The following ZNF804B variants were observed in gnomAD, a reference collection of about 807,000 sequenced individuals.
ZNF804B encodes the protein zinc finger 804B.
ZNF804B carries 80 observed loss-of-function variants against 101.4 expected under a neutral mutation model. The observed-to-expected ratio is 0.79, with a 90% CI of 0.66 to 0.95. The LOEUF is 0.95. Ranked by LOEUF, ZNF804B falls within the 40% of genes least tolerant of loss-of-function variation. The pLI is 0.00. For synonymous variants in ZNF804B, 622 were observed against 558.8 expected, an observed-to-expected ratio of 1.11 and a Z score of -1.59; for missense variants, 1,673 against 1,561.9, an observed-to-expected ratio of 1.07 and a Z score of -1.20.
At chr7:89,308,767 T>C (rs1790606093) in intron 2 of ZNF804B, among the ~76,000 whole-genome samples, 1 of 152,194 alleles carries the variant, frequency 6.6e-6, no homozygotes, top group Non-Finnish European at 1.5e-5. Context: ...TTGCAGCTCA[T>C]ACAGTTCCTG....
chr7:88,985,495 C>T (rs1562851431), intron 1 of ZNF804B, among the ~76,000 whole-genome samples: 2 of 151,694 alleles, frequency 1.3e-5, no homozygotes, highest in South Asian at 2.1e-4. Flanking sequence ...GTGTGAAGGG[C>T]GATGGGAGAG....
At chr7:89,206,744 C>T (rs1024865685) in intron 1 of ZNF804B, among the ~76,000 whole-genome samples, 2 of 152,094 alleles carry the variant, frequency 1.3e-5, no homozygotes, top group Non-Finnish European at 2.9e-5. Flanking sequence ...AAGAACAAAA[C>T]TCCATCTCAA....
intron 1 of ZNF804B, among the ~76,000 whole-genome samples, chr7:89,018,731 T>C (rs925184198): frequency 6.6e-6 from 1 of 152,070 alleles, no homozygotes; most frequent in African/African-American, 2.4e-5. Flanking sequence ...TCTTGGTAGG[T>C]TGTATATGTC....
chr7:88,972,790 C>G (rs1339975730), intron 1 of ZNF804B, among the ~76,000 whole-genome samples: 1 of 150,670 alleles, frequency 6.6e-6, no homozygotes, highest in Admixed American at 6.6e-5. Flanking sequence ...ATTCTTCTCA[C>G]TAATAGTATA....
chr7:89,107,423 T>C (rs1160484905), intron 1 of ZNF804B, among the ~76,000 whole-genome samples: 1 of 152,136 alleles, frequency 6.6e-6, no homozygotes, highest in Non-Finnish European at 1.5e-5. Context: ...TGATGAGTAT[T>C]TTCCAGCTTT....
chr7:89,048,769 C>G (rs1276138637), intron 1 of ZNF804B, among the ~76,000 whole-genome samples: 1 of 151,898 alleles, frequency 6.6e-6, no homozygotes, highest in African/African-American at 2.4e-5. Context: ...CAGGTCTCGT[C>G]ATTCCTTAAG....
chr7:88,801,034 T>C (rs1790572611), intron 1 of ZNF804B, among the ~76,000 whole-genome samples: 1 of 152,074 alleles, frequency 6.6e-6, no homozygotes, highest in African/African-American at 2.4e-5. Flanking sequence ...TAGAATAATC[T>C]AGTGGAGAAT....
At chr7:88,960,014 C>T (rs971460952) in intron 1 of ZNF804B, among the ~76,000 whole-genome samples, 1 of 151,260 alleles carries the variant, frequency 6.6e-6, no homozygotes, top group African/African-American at 2.4e-5. Flanking sequence ...AAAATTTTGA[C>T]CTTTAATAAT....
In ZNF804B at chr7:88,790,942, C is replaced by T. The variant is rs1790371096; in HGVS notation, c.108+30858C>T. On this transcript the variant is annotated intron_variant, in intron 1 of 3. Transcript: ENST00000333190. ...CAGCTAAATGAGTCCAATTTAAAGACATTATATCAGTGACCTATATAAGTA... is the reference window on the plus strand; with the variant it reads ...CAGCTAAATGAGTCCAATTTAAAGATATTATATCAGTGACCTATATAAGTA... 2.0e-5 allele frequency among the ~76,000 whole-genome samples: 3 copies of T among 152,046 alleles called. No individual in the cohort carries two copies. In the South Asian group the frequency reaches 6.2e-4, roughly 32 times the overall value.
intron 1 of ZNF804B, among the ~76,000 whole-genome samples, chr7:89,162,965 T>C (rs916768367): frequency 2.7e-5 from 4 of 150,442 alleles, no homozygotes; most frequent in Non-Finnish European, 5.9e-5. Flanking sequence ...AGAATGATGA[T>C]TTCCAATTTC....
At chr7:89,150,018 C>T (rs931114821) in intron 1 of ZNF804B, among the ~76,000 whole-genome samples, 2 of 151,926 alleles carry the variant, frequency 1.3e-5, no homozygotes, top group Admixed American at 1.3e-4. Context: ...TGCAGTCAAC[C>T]TTGATCCAAA....
In ZNF804B at chr7:89,186,983, C is replaced by A. The variant is rs191709278; in HGVS notation, c.109-31172C>A. Among the ~76,000 whole-genome samples, 21 of 152,268 alleles carry A rather than the reference C, an allele frequency of 1.4e-4. No homozygotes were observed. In the East Asian group the frequency reaches 1.9e-3, roughly 14 times the overall value. The stretch of plus-strand genomic sequence containing the variant: ...CTTTTCTAGCCCCTGCCTTTCTAAT[C>A]TAAATCTTTCCATCAATATCTGATA... On this transcript the variant is annotated intron_variant, in intron 1 of 3. Transcript: ENST00000333190.
intron 1 of ZNF804B, among the ~76,000 whole-genome samples, chr7:88,888,175 G>A (rs564334102): frequency 2.0e-3 from 299 of 152,182 alleles, no homozygotes; most frequent in Non-Finnish European, 3.7e-3. Flanking sequence ...GGCAGATCAC[G>A]AGGTCAGGAC....
intron 2 of ZNF804B, among the ~76,000 whole-genome samples, chr7:89,238,543 A>G (rs771354503): frequency 6.6e-6 from 1 of 152,176 alleles, no homozygotes; most frequent in African/African-American, 2.4e-5. Flanking sequence ...ATTTATATGT[A>G]TGTGTATCCT....
At chr7:89,176,202 G>T (rs1002856585) in intron 1 of ZNF804B, among the ~76,000 whole-genome samples, 4 of 151,860 alleles carry the variant, frequency 2.6e-5, no homozygotes, top group African/African-American at 7.2e-5. Flanking sequence ...CATGGTATAT[G>T]GGTGTATGGT....
Position 89,333,769 on chromosome 7 carries a change from T to C in ZNF804B, c.787T>C (p.Cys263Arg), listed in dbSNP as rs765783436. ...TAAAACAAAACAAACTGCAGATAAG[T>C]GCAAGTGCTGCAGGTTTGCAAATAA... Reference protein sequence around the residue: ...IYKTKQTADKCKCCRFANKDT... With the variant: ...IYKTKQTADKRKCCRFANKDT... The change falls in exon 4 of 4, where the codon TGC (cysteine) becomes CGC (arginine). Residue 263 changes from cysteine (C) to arginine (R), a missense_variant. Cys to Arg is a radical substitution (Grantham distance 180). Coordinates refer to ENST00000333190, the MANE Select transcript of ZNF804B (RefSeq NM_181646.5). The C allele has an allele frequency of 6.2e-7, 1 of 1,613,282 alleles. No individual in the cohort carries two copies. The highest frequency in any genetic ancestry group is 1.1e-5 in the South Asian group (1 of 90,850).
intron 1 of ZNF804B, among the ~76,000 whole-genome samples, chr7:88,843,553 C>A (rs946082034): frequency 6.6e-6 from 1 of 151,892 alleles, no homozygotes; most frequent in Non-Finnish European, 1.5e-5. Flanking sequence ...CTGGCTAACA[C>A]GGTCAAACCC....
chr7:89,251,528 A>C lies in ZNF804B; in HGVS notation c.249+33233A>C, dbSNP rs1189545865. Among the ~76,000 whole-genome samples the C allele has an allele frequency of 2.6e-5, 4 of 152,200 alleles. No individual in the cohort carries two copies. The East Asian group carries it at 7.7e-4, about 29-fold the overall frequency. On this transcript the variant is annotated intron_variant, in intron 2 of 3. Coordinates refer to ENST00000333190, the MANE Select transcript of ZNF804B (RefSeq NM_181646.5). ...ATTAAAAATCCATACTGCCCAAAGC[A>C]ATGTACAGATTCAATGCTATTTCTA...
chr7:89,056,340 A>G (rs1789295459), intron 1 of ZNF804B, among the ~76,000 whole-genome samples: 1 of 152,140 alleles, frequency 6.6e-6, no homozygotes, highest in African/African-American at 2.4e-5. Flanking sequence ...GGGAAGTGTC[A>G]TTACTGATAA....
Sources: gnomAD v4.1 joint callset for allele counts (sites outside exome capture counted in the v4.1 genomes callset) on GRCh38, gnomAD v4.1.1 for gene constraint, MANE v1.5 for transcripts, NCBI Gene and HGNC (gene_info 2026-07-23, HGNC 2026-07-21) for gene names.